PODXL2: variants seen among roughly 807,000 people sequenced by gnomAD.
PODXL2 encodes podocalyxin-like protein 2.
Under a neutral mutation model 53.4 loss-of-function variants are expected in PODXL2, and 17 were observed. That is an observed-to-expected ratio of 0.32 (90% CI 0.22 to 0.48). The LOEUF is 0.48. PODXL2 is among the 20% of genes least tolerant of loss of function. The pLI, the probability that PODXL2 is intolerant of heterozygous loss-of-function variation, is 0.99. For missense variants in PODXL2, 673 were observed against 760.0 expected (o/e 0.89, Z 1.35); for synonymous variants, 311 against 306.7 (o/e 1.01, Z -0.15).
intron 2 of PODXL2, among the ~76,000 whole-genome samples, chr3:127,647,523 A>G (rs1047785770): frequency 6.6e-6 from 1 of 152,234 alleles, no homozygotes; most frequent in African/African-American, 2.4e-5. Context: ...TACCCAACTC[A>G]GACAGGCTCA....
At chr3:127,664,377 C>A (rs2074783687) in intron 4 of PODXL2, among the ~76,000 whole-genome samples, 1 of 151,432 alleles carries the variant, frequency 6.6e-6, no homozygotes, top group African/African-American at 2.4e-5. Context: ...TATGTATATA[C>A]CACATGTTAT....
chr3:127,661,048 C>T lies in PODXL2; in HGVS notation c.1020C>T (p.Asp340=). 6.2e-7 allele frequency: 1 copy of T among 1,614,204 alleles called. No individual in the cohort carries two copies. Among genetic ancestry groups the T allele is most frequent in the Non-Finnish European group, 8.5e-7 (1 of 1,180,012 alleles). The change falls in exon 3 of 8, where the codon GAC becomes GAT. Residue 340 remains aspartate, a synonymous_variant. Coordinates refer to ENST00000342480, the MANE Select transcript of PODXL2 (RefSeq NM_015720.4). The part of the protein sequence containing the change: ...TSASSPLAPG[D]MELTPSSATL... Reference sequence around the variant, plus strand: ...CCTCTTCCCCACTGGCCCCTGGAGACATGGAACTGACACCTTCCTCTGCTA... The same window carrying T: ...CCTCTTCCCCACTGGCCCCTGGAGATATGGAACTGACACCTTCCTCTGCTA...
chr3:127,644,096 T>C lies in PODXL2; in HGVS notation c.349+4573T>C, dbSNP rs2074637790. Among the ~76,000 whole-genome samples, 3 of 152,194 alleles carry C rather than the reference T, an allele frequency of 2.0e-5. No homozygotes were observed. The South Asian group carries it at 6.2e-4, about 32-fold the overall frequency. ...TGATAAATCTGTCCTCTTATCATTT[T>C]AAAGAAATGATATTTTGTTGCTGTT... is the stretch of plus-strand genomic sequence containing the variant. On this transcript the variant is annotated intron_variant, in intron 2 of 7. Coordinates refer to ENST00000342480, the MANE Select transcript of PODXL2 (RefSeq NM_015720.4).
rs1167539931 is a variant in PODXL2 at position 127,672,519 on chromosome 3, A to T, written c.*39A>T. On this transcript the variant is annotated 3_prime_UTR_variant, in exon 8 of 8. Transcript: ENST00000342480. ...GCAGGCCGAGTGGGCCGCCAGGACC[A>T]AGCGAGGTGGACCCCGAAACGGACG... 3 of 1,319,558 alleles carry T rather than the reference A, an allele frequency of 2.3e-6. No individual in the cohort carries two copies. In the African/African-American group the frequency reaches 4.6e-5, roughly 20 times the overall value. 81.7% of individuals were successfully genotyped at this position (1,319,558 alleles called of 1,614,324 possible). A position where few individuals can be genotyped will look rare whatever the true frequency, so the allele number is the denominator to read the frequency against.
In PODXL2 at chr3:127,644,523, AGCATTGGCCTCAGGACCACAGTG is replaced by A. The variant is rs368024944; in HGVS notation, c.349+5002_349+5024del. Among the ~76,000 whole-genome samples, 596 of 152,218 alleles carry A rather than the reference AGCATTGGCCTCAGGACCACAGTG, an allele frequency of 3.9e-3. 4 individuals carry two copies. The highest frequency in any genetic ancestry group is 0.012 in the African/African-American group (500 of 41,536). Reference sequence around the variant, plus strand: ...GTGTGAGGTAAGCAGTCACGCAGAGAGCATTGGCCTCAGGACCACAGTGGAGGGCCCTGAAGCCTTGATGAGCT... The same window carrying A: ...GTGTGAGGTAAGCAGTCACGCAGAGAGAGGGCCCTGAAGCCTTGATGAGCT... On this transcript the variant is annotated intron_variant, in intron 2 of 7. Transcript: ENST00000342480.
intron 2 of PODXL2, among the ~76,000 whole-genome samples, chr3:127,652,377 TC>T (rs1416632982): frequency 1.3e-5 from 2 of 152,116 alleles, no homozygotes; most frequent in African/African-American, 4.8e-5. Context: ...ACAGTGCCAT[TC>T]CCAGCAGTTC....
chr3:127,663,074 CCT>C (rs1185102110), intron 4 of PODXL2, among the ~76,000 whole-genome samples: 1 of 152,152 alleles, frequency 6.6e-6, no homozygotes, highest in Non-Finnish European at 1.5e-5. Flanking sequence ...GGTCAGAGAC[CCT>C]CTGTTTTATC....
intron 1 of PODXL2, among the ~76,000 whole-genome samples, chr3:127,637,165 G>A (rs1445013700): frequency 6.6e-6 from 1 of 152,124 alleles, no homozygotes; most frequent in Non-Finnish European, 1.5e-5. Flanking sequence ...GCTGAGAGTT[G>A]GGCCTGTGAA....
chr3:127,667,024 T>TC (rs1407111053), intron 4 of PODXL2, among the ~76,000 whole-genome samples: 1 of 152,098 alleles, frequency 6.6e-6, no homozygotes, highest in East Asian at 1.9e-4. Flanking sequence ...GCACTCCTTC[T>TC]CCCCCCATAC....
chr3:127,657,110 T>C (rs1337949619), intron 2 of PODXL2, among the ~76,000 whole-genome samples: 9 of 152,198 alleles, frequency 5.9e-5, no homozygotes, highest in South Asian at 2.1e-4. Flanking sequence ...GATAAGTTAG[T>C]GGCTGAGTCC....
chr3:127,644,606 G>A (rs1179391958), intron 2 of PODXL2, among the ~76,000 whole-genome samples: 4 of 152,124 alleles, frequency 2.6e-5, no homozygotes, highest in African/African-American at 4.8e-5. Context: ...CAGGGGATTC[G>A]TTTCCCTTTC....
intron 1 of PODXL2, among the ~76,000 whole-genome samples, chr3:127,632,416 C>T (rs2074552949): frequency 6.6e-6 from 1 of 152,226 alleles, no homozygotes; most frequent in Admixed American, 6.5e-5. Context: ...AATCAGTTTA[C>T]ACTTTTCTAA....
intron 1 of PODXL2, among the ~76,000 whole-genome samples, chr3:127,638,268 G>A (rs1161398894): frequency 2.6e-5 from 4 of 152,126 alleles, no homozygotes. Flanking sequence ...TGAAAGAAGA[G>A]GAAAAAGGCC....
chr3:127,654,690 A>T (rs943269286), intron 2 of PODXL2, among the ~76,000 whole-genome samples: 5 of 152,346 alleles, frequency 3.3e-5, no homozygotes, highest in African/African-American at 1.2e-4. Flanking sequence ...ATAAAAAATG[A>T]AAAATAAAAA....
chr3:127,646,558 T>G lies in PODXL2; in HGVS notation c.349+7035T>G, dbSNP rs1182919044. Among the ~76,000 whole-genome samples, 103 of 152,088 alleles carry G rather than the reference T, an allele frequency of 6.8e-4. 3 individuals are homozygous for G. Among genetic ancestry groups the G allele is most frequent in the Non-Finnish European group, 4.7e-4 (32 of 68,000 alleles). ...GTGCACCACTATGCCTAGCTAATTT[T>G]TGTATTTTTAGTGGAGACGGGGTTT... is the stretch of plus-strand genomic sequence containing the variant. On this transcript the variant is annotated intron_variant, in intron 2 of 7. Transcript: ENST00000342480.
chr3:127,656,291 A>G (rs531288316), intron 2 of PODXL2, among the ~76,000 whole-genome samples: 1 of 152,344 alleles, frequency 6.6e-6, no homozygotes, highest in East Asian at 1.9e-4. Flanking sequence ...CTCATTCCAC[A>G]TAAAAACTGA....
At chr3:127,659,241 T>C (rs1354612443) in intron 2 of PODXL2, among the ~76,000 whole-genome samples, 2 of 152,212 alleles carry the variant, frequency 1.3e-5, no homozygotes, top group Non-Finnish European at 2.9e-5. Context: ...TCTTCCTAAC[T>C]CTGGGTAAGA....
Sources: gnomAD v4.1 joint callset for allele counts (sites outside exome capture counted in the v4.1 genomes callset) on GRCh38, gnomAD v4.1.1 for gene constraint, MANE v1.5 for transcripts, NCBI Gene and HGNC (gene_info 2026-07-23, HGNC 2026-07-21) for gene names.